Variants in OLFML2A observed in about 807,000 individuals in gnomAD.
OLFML2A encodes the protein olfactomedin like 2A.
Under a neutral mutation model 60.9 loss-of-function variants are expected in OLFML2A, and 47 were observed. The ratio of observed to expected loss-of-function variants is 0.77; its 90% CI spans 0.61 to 0.98. The LOEUF (loss-of-function observed/expected upper bound fraction) is 0.98, where lower values mean the gene tolerates loss of function less well. OLFML2A is among the 50% of genes least tolerant of loss of function. The pLI is 0.00. For missense variants in OLFML2A, 922 were observed against 879.8 expected (o/e 1.05, Z -0.61); for synonymous variants, 372 against 375.0 (o/e 0.99, Z 0.09).
Position 124,801,619 on chromosome 9 carries a change from C to T in OLFML2A, c.875C>T (p.Thr292Ile), listed in dbSNP as rs766205017. Residue 292 changes from threonine (T) to isoleucine (I), a missense_variant, in exon 5 of 8, where the codon ACC (threonine) becomes ATC (isoleucine). By Grantham distance (89) the Thr-to-Ile change is moderately conservative (BLOSUM62 -1). Transcript: ENST00000373580. Reference protein sequence around the residue: ...AQQQAVIRGFTYYKAGKQEVT... With the variant: ...AQQQAVIRGFIYYKAGKQEVT... ...CAGCAGGCTGTGATCCGGGGCTTCA[C>T]CTACTACAAGGCAGGCAAGCAGGAG... is the stretch of plus-strand genomic sequence containing the variant. 2.5e-5 allele frequency: 41 copies of T among 1,613,692 alleles called. No individual in the cohort carries two copies. The Admixed American group carries it at 6.7e-4, about 26-fold the overall frequency.
At position 124,795,121 on chromosome 9, in the gene OLFML2A, C is replaced by T; in HGVS notation, c.452C>T (p.Thr151Ile). 1 of 1,588,476 alleles carries T rather than the reference C, an allele frequency of 6.3e-7. No individual in the cohort carries two copies. Among genetic ancestry groups the T allele is most frequent in the Non-Finnish European group, 8.6e-7 (1 of 1,160,762 alleles). Residue 151 changes from threonine (T) to isoleucine (I), a missense_variant, in exon 3 of 8, where the codon ACA becomes ATA. Physicochemically the swap from Thr to Ile is moderately conservative, Grantham distance 89. Coordinates refer to ENST00000373580, the MANE Select transcript of OLFML2A (RefSeq NM_182487.4). Reference sequence around the variant, plus strand: ...CACAAGGTGGCCTCCCAGATGAACACACTGGAAGAGGTAAGGGCGGGGCTG... The same window carrying T: ...CACAAGGTGGCCTCCCAGATGAACATACTGGAAGAGGTAAGGGCGGGGCTG... ...YVHKVASQMN[T>I]LEESIKANLS...
At chr9:124,809,401 G>A (rs1841958468) in intron 7 of OLFML2A, among the ~76,000 whole-genome samples, 2 of 151,984 alleles carry the variant, frequency 1.3e-5, no homozygotes, top group Non-Finnish European at 2.9e-5. Flanking sequence ...GTCAGTGAAG[G>A]TTTCCTAGAG....
chr9:124,780,437 CAGGGGAGCAGG>C (rs1427546088), intron 1 of OLFML2A, among the ~76,000 whole-genome samples: 1 of 152,216 alleles, frequency 6.6e-6, no homozygotes, highest in Non-Finnish European at 1.5e-5. Context: ...GGAGCCCAGC[CAGGGGAGCAGG>C]AGGGGCTAGA....
chr9:124,789,567 C>G (rs574018733), intron 2 of OLFML2A, among the ~76,000 whole-genome samples: 1 of 152,274 alleles, frequency 6.6e-6, no homozygotes, highest in East Asian at 1.9e-4. Flanking sequence ...GGATGCCTGC[C>G]CTTTCTTCTG....
At chr9:124,792,242 G>A (rs552027356) in intron 2 of OLFML2A, among the ~76,000 whole-genome samples, 29 of 152,248 alleles carry the variant, frequency 1.9e-4, no homozygotes, top group Admixed American at 7.8e-4. Context: ...GCACATGTGT[G>A]TTACTACCCG....
chr9:124,801,450 T>C lies in OLFML2A; in HGVS notation c.706T>C (p.Tyr236His). The change falls in exon 5 of 8, where the codon TAT (tyrosine) becomes CAT (histidine). Residue 236 changes from tyrosine to histidine, a missense_variant. Tyr to His is a moderately conservative substitution (Grantham distance 83). Coordinates refer to ENST00000373580, the MANE Select transcript of OLFML2A (RefSeq NM_182487.4). Reference sequence around the variant, plus strand: ...AGGAAAAGGCAAGGACATCAGCAAGTATGGCAGTGTGCAGAAAAGCTTTGC... The same window carrying C: ...AGGAAAAGGCAAGGACATCAGCAAGCATGGCAGTGTGCAGAAAAGCTTTGC... ...ARGKGKDISKYGSVQKSFADR... is the reference protein window; with the variant it reads ...ARGKGKDISKHGSVQKSFADR... 1 of 1,614,004 alleles carries C rather than the reference T, an allele frequency of 6.2e-7. No homozygotes were observed. Among genetic ancestry groups the C allele is most frequent in the Non-Finnish European group, 8.5e-7 (1 of 1,179,980 alleles).
chr9:124,804,450 A>G (rs1161555524), intron 6 of OLFML2A, 108 bp downstream of exon 6: 6 of 1,124,794 alleles, frequency 5.3e-6, no homozygotes, highest in Non-Finnish European at 7.5e-6. Context: ...ATAGCTGAGC[A>G]TGGTAGCTCA....
At position 124,812,234 on chromosome 9, in the gene OLFML2A, C is replaced by T. The variant is rs1842034693; in HGVS notation, c.*1822C>T. ...GGAGTGCAGTGGCGCGATCTCGGCT[C>T]ACTGCAACCTCTGCCCCCTGGGTTC... On this transcript the variant is annotated 3_prime_UTR_variant, in exon 8 of 8. Coordinates refer to ENST00000373580, the MANE Select transcript of OLFML2A (RefSeq NM_182487.4). 2 of 151,398 alleles carry T rather than the reference C, an allele frequency of 1.3e-5. No homozygotes were observed. Among genetic ancestry groups the T allele is most frequent in the Admixed American group, 1.3e-4 (2 of 15,120 alleles). The allele number at this position is 151,398 out of a possible 1,614,324, so 9.4% of individuals were successfully genotyped here. A position where few individuals can be genotyped will look rare whatever the true frequency, so the allele number is the denominator to read the frequency against.
intron 1 of OLFML2A, among the ~76,000 whole-genome samples, chr9:124,780,594 G>A (rs746369155): frequency 1.7e-4 from 26 of 152,240 alleles, no homozygotes; most frequent in Non-Finnish European, 3.4e-4. Context: ...TCCGGCAGGC[G>A]AGGGCCACAT....
intron 5 of OLFML2A, 145 bp from the exon 6 acceptor site, chr9:124,803,949 C>A: frequency 1.2e-6 from 1 of 847,310 alleles, no homozygotes; most frequent in East Asian, 2.7e-5. Context: ...GACCTTTCAC[C>A]CCCCTCCAGG....
intron 4 of OLFML2A, chr9:124,801,178 C>A: frequency 1.9e-6 from 2 of 1,040,926 alleles, no homozygotes; most frequent in Non-Finnish European, 2.8e-6. Flanking sequence ...TCTAACCTAT[C>A]AGGTTGGACT....
chr9:124,800,063 A>C (rs1280250095), intron 4 of OLFML2A, among the ~76,000 whole-genome samples: 4 of 152,250 alleles, frequency 2.6e-5, no homozygotes, highest in Non-Finnish European at 5.9e-5. Context: ...GACAGATAAC[A>C]CACCTGCGTG....
chr9:124,778,100 C>G (rs1841291544), intron 1 of OLFML2A, among the ~76,000 whole-genome samples: 1 of 152,152 alleles, frequency 6.6e-6, no homozygotes, highest in Non-Finnish European at 1.5e-5. Context: ...TGGCTCACGC[C>G]TGTAATCCCA....
At chr9:124,786,902 A>G (rs556743916) in intron 1 of OLFML2A, 73 bp from the exon 2 acceptor site, 21 of 1,513,372 alleles carry the variant, frequency 1.4e-5, no homozygotes, top group Middle Eastern at 2.4e-4. Context: ...GGCTTCTGCC[A>G]TCTCTCCCTT....
chr9:124,777,281 C>A lies in OLFML2A; in HGVS notation c.11C>A (p.Ala4Asp), dbSNP rs1444705153. ...CGTGCCCGTGGCGCCATGGCCGCTG[C>A]CGCCCTCCCGCCCCGGCCGCTGCTC... MAA[A>D]ALPPRPLLLL... The change falls in exon 1 of 8, where the codon GCC (alanine) becomes GAC (aspartate). Residue 4 changes from alanine to aspartate, a missense_variant. By Grantham distance (126) the Ala-to-Asp change is moderately radical. Coordinates refer to ENST00000373580, the MANE Select transcript of OLFML2A (RefSeq NM_182487.4). The surrounding 1 kb of genome is among the most constrained non-coding windows in gnomAD (Gnocchi z 6.2). 8.2e-7 allele frequency: 1 copy of A among 1,225,906 alleles called. No individual in the cohort carries two copies. The highest frequency in any genetic ancestry group is 1.0e-6 in the Non-Finnish European group (1 of 970,470). 75.9% of individuals were successfully genotyped at this position (1,225,906 alleles called of 1,614,324 possible).
intron 4 of OLFML2A, 39 bp from the exon 5 acceptor site, chr9:124,801,375 C>T: frequency 6.2e-7 from 1 of 1,608,898 alleles, no homozygotes; most frequent in Non-Finnish European, 8.5e-7. Flanking sequence ...AACATTTCTT[C>T]TACTGTCCTT....
rs769664558 is a variant in OLFML2A, at chr9:124,807,820, A to AC, written c.1214dup (p.Val406CysfsTer51). On this transcript the variant is annotated frameshift_variant, in exon 7 of 8. Transcript: ENST00000373580. LOFTEE classifies it high-confidence loss of function. ...TGTGAGGGCACCCTCCGGGCTGTGG[A>AC]CCCCCCTGTGAGGCACCACAGCTAT... 2.4e-5 allele frequency: 38 copies of AC among 1,613,056 alleles called. No individual in the cohort carries two copies. The highest frequency in any genetic ancestry group is 1.7e-4 in the Middle Eastern group (1 of 6,050).
At chr9:124,809,510 G>C (rs1030337011) in intron 7 of OLFML2A, among the ~76,000 whole-genome samples, 8 of 152,224 alleles carry the variant, frequency 5.3e-5, no homozygotes, top group African/African-American at 1.9e-4. Context: ...CAGGGACGAA[G>C]GCCTGGAGAC....
At position 124,786,979 on chromosome 9, in the gene OLFML2A, T is replaced by C. The variant is rs753855958; in HGVS notation, c.95T>C (p.Phe32Ser). ...CCCTCTTGCCCCCCGCAACAGGTGT[T>C]TGGGGACCTGGACCAGGTGAGGATG... ...GRPTRADSKV[F>S]GDLDQVRMTS... Residue 32 changes from phenylalanine to serine, a missense_variant, in exon 2 of 8, where the codon TTT becomes TCT. By Grantham distance (155) the Phe-to-Ser change is radical. Coordinates refer to ENST00000373580, the MANE Select transcript of OLFML2A (RefSeq NM_182487.4). The C allele has an allele frequency of 8.2e-5, 132 of 1,608,976 alleles. No individual in the cohort carries two copies. The highest frequency in any genetic ancestry group is 9.5e-5 in the Non-Finnish European group (112 of 1,176,196).
Sources: allele counts gnomAD v4.1 joint callset (sites outside exome capture counted in the v4.1 genomes callset), GRCh38; gene constraint gnomAD v4.1.1; non-coding constraint Gnocchi (gnomAD v3.1); transcripts MANE v1.5; gene names NCBI Gene and HGNC (gene_info 2026-07-23, HGNC 2026-07-21).